COX7B2: variants seen among roughly 807,000 people sequenced by gnomAD.
The protein encoded by COX7B2 is cytochrome c oxidase subunit 7B2, mitochondrial.
For missense variants in COX7B2, 109 were observed against 95.9 expected (o/e 1.14, Z -0.57); for synonymous variants, 37 against 32.1 (o/e 1.15, Z -0.51).
intron 1 of COX7B2, among the ~76,000 whole-genome samples, chr4:46,879,365 T>C (rs1243948083): frequency 6.6e-6 from 1 of 152,086 alleles, no homozygotes; most frequent in Non-Finnish European, 1.5e-5. Flanking sequence ...TCACTCAGGT[T>C]GGAGTGCAGC....
chr4:46,810,454 T>G (rs1719231986), intron 2 of COX7B2, among the ~76,000 whole-genome samples: 4 of 152,178 alleles, frequency 2.6e-5, no homozygotes, highest in Admixed American at 2.0e-4. Flanking sequence ...AGGTTTTTTG[T>G]GTATGTGGTC....
chr4:46,829,538 G>A (rs1357925061), intron 2 of COX7B2, among the ~76,000 whole-genome samples: 1 of 152,108 alleles, frequency 6.6e-6, no homozygotes, highest in African/African-American at 2.4e-5. Flanking sequence ...TAGTAGGTGA[G>A]ATAAGACACA....
Position 46,798,270 on chromosome 4 carries a change from T to C in COX7B2, c.-50+46690A>G, listed in dbSNP as rs143253105. On this transcript the variant is annotated intron_variant, in intron 2 of 2. Coordinates refer to ENST00000355591, the MANE Select transcript of COX7B2 (RefSeq NM_130902.3). ...TGCAACTGGCCTCTCCTAGAACCAA[T>C]GAAGAAGCACAATGCCTGGTAGGCC... Among the ~76,000 whole-genome samples the C allele has an allele frequency of 4.6e-3, 694 of 152,274 alleles. 4 individuals are homozygous for C. The highest frequency in any genetic ancestry group is 7.8e-3 in the Non-Finnish European group (528 of 68,018).
intron 2 of COX7B2, among the ~76,000 whole-genome samples, chr4:46,747,271 A>G (rs900045581): frequency 8.8e-6 from 1 of 113,602 alleles, no homozygotes; most frequent in African/African-American, 3.0e-5. Flanking sequence ...TATTCTCATC[A>G]TTAAGCTCCT....
chr4:46,790,065 T>C (rs1376915200), intron 2 of COX7B2, among the ~76,000 whole-genome samples: 2 of 152,050 alleles, frequency 1.3e-5, no homozygotes, highest in African/African-American at 2.4e-5. Flanking sequence ...TCAAATATAC[T>C]TTATGTGAAA....
chr4:46,837,474 A>C (rs1275656897), intron 2 of COX7B2, among the ~76,000 whole-genome samples: 1 of 152,118 alleles, frequency 6.6e-6, no homozygotes, highest in African/African-American at 2.4e-5. Context: ...GCAAATTCAT[A>C]GTGACTAAAA....
At chr4:46,874,256 T>C (rs1217712839) in intron 1 of COX7B2, among the ~76,000 whole-genome samples, 2 of 152,126 alleles carry the variant, frequency 1.3e-5, no homozygotes, top group East Asian at 3.8e-4. Context: ...AGCAACATGG[T>C]TGGGAAGAAG....
chr4:46,816,060 C>T (rs945862414), intron 2 of COX7B2, among the ~76,000 whole-genome samples: 1 of 152,146 alleles, frequency 6.6e-6, no homozygotes, highest in Non-Finnish European at 1.5e-5. Context: ...TGGCCACTCT[C>T]GGTCAGTCCT....
At chr4:46,741,638 A>G (rs1714717523) in intron 2 of COX7B2, among the ~76,000 whole-genome samples, 2 of 152,076 alleles carry the variant, frequency 1.3e-5, no homozygotes, top group Admixed American at 6.6e-5. Flanking sequence ...ATTTTTCCTG[A>G]ACTAATCCCA....
At chr4:46,756,345 A>C (rs58221576) in intron 2 of COX7B2, among the ~76,000 whole-genome samples, 37,727 of 151,890 alleles carry the variant, frequency 0.25, 4,950 homozygotes, top group Middle Eastern at 0.33. Flanking sequence ...AAGACCTAAA[A>C]GTATAAAAAT....
chr4:46,791,111 G>A (rs1280781463), intron 2 of COX7B2, among the ~76,000 whole-genome samples: 3 of 151,954 alleles, frequency 2.0e-5, no homozygotes, highest in African/African-American at 7.2e-5. Context: ...GCATTCTGGT[G>A]CCTCAGCCTC....
chr4:46,806,579 A>G (rs538876525), intron 2 of COX7B2, among the ~76,000 whole-genome samples: 3 of 152,232 alleles, frequency 2.0e-5, no homozygotes, highest in South Asian at 4.1e-4. Flanking sequence ...TGAATCCTGT[A>G]TACAATACAA....
chr4:46,831,293 C>T (rs1442143895), intron 2 of COX7B2, among the ~76,000 whole-genome samples: 1 of 152,180 alleles, frequency 6.6e-6, no homozygotes, highest in African/African-American at 2.4e-5. Context: ...CGCTCAGGAC[C>T]TGCAGCCTGC....
intron 2 of COX7B2, among the ~76,000 whole-genome samples, chr4:46,737,499 T>C (rs1205995368): frequency 6.6e-6 from 1 of 152,124 alleles, no homozygotes; most frequent in Non-Finnish European, 1.5e-5. Flanking sequence ...CACAAAAGCA[T>C]AAAAAGATCT....
At chr4:46,802,391 T>C (rs936225445) in intron 2 of COX7B2, among the ~76,000 whole-genome samples, 2 of 152,168 alleles carry the variant, frequency 1.3e-5, no homozygotes, top group African/African-American at 4.8e-5. Context: ...AAGAACTTGC[T>C]TATTTAGCTA....
chr4:46,868,334 T>A (rs528492921), intron 1 of COX7B2, among the ~76,000 whole-genome samples: 1 of 152,154 alleles, frequency 6.6e-6, no homozygotes, highest in East Asian at 1.9e-4. Flanking sequence ...CCTGGATACA[T>A]TGAACTTTTG....
chr4:46,806,319 C>A (rs1718991825), intron 2 of COX7B2, among the ~76,000 whole-genome samples: 1 of 151,516 alleles, frequency 6.6e-6, no homozygotes, highest in East Asian at 1.9e-4. Flanking sequence ...ATACTAATGA[C>A]AGACCTTCCA....
rs75218516 is a variant in COX7B2 at position 46,845,772 on chromosome 4, C to T, written c.-104-758G>A. On this transcript the variant is annotated intron_variant, in intron 1 of 2. Transcript: ENST00000355591. ...GCCTGTTTTACCTCCTTCTTAATGC[C>T]TGGAGTGAAACAAGAACTGAGATAT... Among the ~76,000 whole-genome samples the T allele has an allele frequency of 4.7e-3, 710 of 152,022 alleles. 6 individuals are homozygous for T. Among genetic ancestry groups the T allele is most frequent in the African/African-American group, 0.016 (655 of 41,492 alleles).
chr4:46,806,854 C>G (rs1232771174), intron 2 of COX7B2, among the ~76,000 whole-genome samples: 2 of 151,930 alleles, frequency 1.3e-5, no homozygotes, highest in Non-Finnish European at 2.9e-5. Context: ...CAAGATCTTG[C>G]TTTTTAGGGC....
Sources: allele counts gnomAD v4.1 joint callset (sites outside exome capture counted in the v4.1 genomes callset), GRCh38; gene constraint gnomAD v4.1.1; transcripts MANE v1.5; gene names NCBI Gene and HGNC (gene_info 2026-07-23, HGNC 2026-07-21).